The following MGAT5B variants were observed in gnomAD, a reference collection of about 807,000 sequenced individuals.
The protein encoded by MGAT5B is N-acetylglucosaminyl-transferase Vb.
A neutral mutation model predicts 95.1 loss-of-function variants in MGAT5B; 54 were observed. That is an observed-to-expected ratio of 0.57 (90% confidence interval 0.46 to 0.71). The LOEUF (loss-of-function observed/expected upper bound fraction) is 0.71, where lower values mean the gene tolerates loss of function less well. Ranked by LOEUF, MGAT5B falls within the 30% of genes least tolerant of loss-of-function variation. MGAT5B has a pLI of 0.00. For synonymous variants in MGAT5B, 464 were observed against 451.0 expected, an observed-to-expected ratio of 1.03 and a Z score of -0.36; for missense variants, 935 against 1,088.6, an observed-to-expected ratio of 0.86 and a Z score of 1.99.
In MGAT5B at chr17:76,946,430, C is replaced by G. The variant is rs148706236; in HGVS notation, c.1903C>G (p.His635Asp). 1.2e-6 allele frequency: 2 copies of G among 1,601,258 alleles called. No homozygotes were observed. The highest frequency in any genetic ancestry group is 3.4e-5 in the Admixed American group (2 of 58,952). Residue 635 changes from histidine to aspartate, a missense_variant, in exon 16 of 18, where the codon CAC (histidine) becomes GAC (aspartate). Physicochemically the swap from His to Asp is moderately conservative, Grantham distance 81 (BLOSUM62 -1). Around this residue, in one of 4 missense-constraint regions of MGAT5B, gnomAD observed 440 missense variants for 523.6 expected, o/e 0.84. Coordinates refer to ENST00000569840, the MANE Select transcript of MGAT5B (RefSeq NM_001199172.2). ...YTCEGMLERI[H>D]AYIQHQDFCR... is the part of the protein sequence containing the mutation. ...CTGCGAGGGGATGCTGGAGCGGATC[C>G]ACGCCTACATCCAGCACCAGGTCAG...
At chr17:76,929,612 A>G (rs1402702849) in intron 10 of MGAT5B, among the ~76,000 whole-genome samples, 4 of 152,234 alleles carry the variant, frequency 2.6e-5, no homozygotes, top group African/African-American at 9.6e-5. Context: ...CTAGGTCCTC[A>G]GAGAACATTA....
In MGAT5B at chr17:76,925,109, G is replaced by A. The variant is rs1969260439; in HGVS notation, c.1157+12G>A. ...TTCAAGAAGTACCGGTGAGAGGGCG[G>A]CCAGAGGGTGGGCACGTGGCCCACA... On this transcript the variant is annotated intron_variant, in intron 9 of 17. Transcript: ENST00000569840. 1 of 1,610,382 alleles carries A rather than the reference G, an allele frequency of 6.2e-7. No individual in the cohort carries two copies. The highest frequency in any genetic ancestry group is 2.2e-5 in the East Asian group (1 of 44,694).
intron 12 of MGAT5B, among the ~76,000 whole-genome samples, chr17:76,935,896 A>AT (rs1969648610): frequency 2.0e-5 from 1 of 51,024 alleles, no homozygotes; most frequent in African/African-American, 7.4e-5. Context: ...TTATATAATT[A>AT]TATATACATT....
intron 15 of MGAT5B, among the ~76,000 whole-genome samples, chr17:76,944,973 C>G (rs1450977932): frequency 2.0e-5 from 3 of 152,202 alleles, no homozygotes; most frequent in Non-Finnish European, 4.4e-5. Context: ...TGGGCCAGGT[C>G]AGGTGCCACC....
chr17:76,869,193 G>T lies in MGAT5B; in HGVS notation c.68+96G>T. ...CGAACGTTCAAGTCCTGGTGGCAGAGGGGGCGGTTCACACTTCAACCCCTG... is the reference window on the plus strand; with the variant it reads ...CGAACGTTCAAGTCCTGGTGGCAGATGGGGCGGTTCACACTTCAACCCCTG... On this transcript the variant is annotated intron_variant, in intron 1 of 17. Coordinates refer to ENST00000569840, the MANE Select transcript of MGAT5B (RefSeq NM_001199172.2). This position sits in a 1 kb window ranked among gnomAD's most constrained non-coding sequence, Gnocchi z 7.0. 1 of 1,128,360 alleles carries T rather than the reference G, an allele frequency of 8.9e-7. No homozygotes were observed. Among genetic ancestry groups the T allele is most frequent in the Non-Finnish European group, 1.3e-6 (1 of 741,802 alleles). The allele number at this position is 1,128,360 out of a possible 1,614,324, so 69.9% of individuals were successfully genotyped here.
At position 76,938,985 on chromosome 17, in the gene MGAT5B, C is replaced by G. The variant is rs1312466852; in HGVS notation, c.1584+842C>G. The stretch of plus-strand genomic sequence containing the variant: ...TGAGCCACTGCACCTGGCCCCAGGC[C>G]CTCTCTTGATCTCACCATAGCTTGT... On this transcript the variant is annotated intron_variant, in intron 13 of 17. Transcript: ENST00000569840. The surrounding 1 kb of genome is among the most constrained non-coding windows in gnomAD (Gnocchi z 4.3). 6.7e-6 allele frequency among the ~76,000 whole-genome samples: 1 copy of G among 150,128 alleles called. No individual in the cohort carries two copies. The highest frequency in any genetic ancestry group is 1.5e-5 in the Non-Finnish European group (1 of 67,734).
chr17:76,937,161 G>A (rs1346393154), intron 12 of MGAT5B, among the ~76,000 whole-genome samples: 1 of 152,106 alleles, frequency 6.6e-6, no homozygotes, highest in East Asian at 1.9e-4. Flanking sequence ...GATCAATATG[G>A]TGATTAAGAC....
chr17:76,936,530 A>C (rs1969679069), intron 12 of MGAT5B, among the ~76,000 whole-genome samples: 2 of 152,204 alleles, frequency 1.3e-5, no homozygotes, highest in African/African-American at 4.8e-5. Context: ...GTCTAACCCA[A>C]GGTTACAAAG....
intron 3 of MGAT5B, among the ~76,000 whole-genome samples, chr17:76,902,125 CAT>C (rs1226161979): frequency 1.3e-5 from 2 of 152,026 alleles, no homozygotes; most frequent in Non-Finnish European, 2.9e-5. Flanking sequence ...TATGTGGGGA[CAT>C]GTGCAGATGT....
At chr17:76,877,845 AG>A in intron 2 of MGAT5B, among the ~76,000 whole-genome samples, 1 of 152,126 alleles carries the variant, frequency 6.6e-6, no homozygotes, top group South Asian at 2.1e-4. Context: ...GGGACGAAGG[AG>A]GATGAGAGAG....
At chr17:76,923,217 T>G (rs78158923) in intron 8 of MGAT5B, among the ~76,000 whole-genome samples, 1,806 of 152,236 alleles carry the variant, frequency 0.012, 36 homozygotes, top group African/African-American at 0.042. Context: ...CCTGAATGGT[T>G]TCAAGGAGCC....
At chr17:76,935,585 T>G (rs981328835) in intron 12 of MGAT5B, among the ~76,000 whole-genome samples, 3 of 148,418 alleles carry the variant, frequency 2.0e-5, no homozygotes, top group Non-Finnish European at 4.4e-5. Context: ...TTTTTGTGTG[T>G]TTATTTGTCT....
chr17:76,928,470 G>A (rs1342549453), intron 10 of MGAT5B, among the ~76,000 whole-genome samples: 1 of 152,116 alleles, frequency 6.6e-6, no homozygotes, highest in Non-Finnish European at 1.5e-5. Flanking sequence ...ACTTTGGGAG[G>A]CTGAGGCAGG....
intron 3 of MGAT5B, among the ~76,000 whole-genome samples, chr17:76,890,638 A>G (rs1967829317): frequency 6.6e-6 from 1 of 151,256 alleles, no homozygotes; most frequent in African/African-American, 2.4e-5. Context: ...TGAGTAGCTC[A>G]GCCTGCAGGT....
rs546354865 is a variant in MGAT5B at position 76,938,604 on chromosome 17, C to T, written c.1584+461C>T. Among the ~76,000 whole-genome samples, 7 of 152,306 alleles carry T rather than the reference C, an allele frequency of 4.6e-5. No individual in the cohort carries two copies. Among genetic ancestry groups the T allele is most frequent in the South Asian group, 4.1e-4 (2 of 4,826 alleles). Reference sequence around the variant, plus strand: ...TGTACTGCTGGAGCAGCAGTTGACACAGTGGGCAAAACCCTGACTGGACCC... The same window carrying T: ...TGTACTGCTGGAGCAGCAGTTGACATAGTGGGCAAAACCCTGACTGGACCC... On this transcript the variant is annotated intron_variant, in intron 13 of 17. Transcript: ENST00000569840. This position sits in a 1 kb window ranked among gnomAD's most constrained non-coding sequence, Gnocchi z 4.3.
chr17:76,873,600 A>T (rs1292940643), intron 2 of MGAT5B, among the ~76,000 whole-genome samples: 1 of 152,220 alleles, frequency 6.6e-6, no homozygotes, highest in Non-Finnish European at 1.5e-5. Flanking sequence ...AGGGGCTCAC[A>T]CGTGGACATT....
intron 13 of MGAT5B, among the ~76,000 whole-genome samples, chr17:76,939,477 G>A (rs536599809): frequency 1.6e-3 from 243 of 151,484 alleles, no homozygotes; most frequent in South Asian, 2.9e-3. Flanking sequence ...TGGTGCCACC[G>A]CACTCCAGCC....
rs1160936178 is a variant in MGAT5B, at chr17:76,868,965, A to G, written c.-65A>G. 3.9e-6 allele frequency: 6 copies of G among 1,521,552 alleles called. No individual in the cohort carries two copies. Among genetic ancestry groups the G allele is most frequent in the Non-Finnish European group, 5.5e-6 (6 of 1,100,648 alleles). The allele number at this position is 1,521,552 out of a possible 1,614,324, so 94.3% of individuals were successfully genotyped here. Reference sequence around the variant, plus strand: ...GAGGGTTCGTGGCCCGGACGCGGCGAGAGCTGGGCCCAGGACGGTGCGTCC... The same window carrying G: ...GAGGGTTCGTGGCCCGGACGCGGCGGGAGCTGGGCCCAGGACGGTGCGTCC... On this transcript the variant is annotated 5_prime_UTR_variant, in exon 1 of 18. Coordinates refer to ENST00000569840, the MANE Select transcript of MGAT5B (RefSeq NM_001199172.2). This position sits in a 1 kb window ranked among gnomAD's most constrained non-coding sequence, Gnocchi z 6.3.
intron 10 of MGAT5B, among the ~76,000 whole-genome samples, chr17:76,928,143 G>C (rs2075545853): frequency 1.3e-5 from 2 of 152,142 alleles, no homozygotes; most frequent in South Asian, 4.1e-4. Flanking sequence ...AGAAAACTGA[G>C]GCCCAGAGAG....
Sources: allele counts gnomAD v4.1 joint callset (sites outside exome capture counted in the v4.1 genomes callset), GRCh38; gene constraint gnomAD v4.1.1; regional missense constraint gnomAD v4.1.1; non-coding constraint Gnocchi (gnomAD v3.1); transcripts MANE v1.5; gene names NCBI Gene and HGNC (gene_info 2026-07-23, HGNC 2026-07-21).